HMGA2: variants seen among roughly 807,000 people sequenced by gnomAD.
The protein encoded by HMGA2 is high mobility group AT-hook 2, also known as high mobility group protein HMGI-C.
A neutral mutation model predicts 19.1 loss-of-function variants in HMGA2; 8 were observed. The observed-to-expected ratio is 0.42, with a 90% confidence interval of 0.25 to 0.76. The LOEUF is 0.76. Ranked by LOEUF, HMGA2 falls within the 30% of genes least tolerant of loss-of-function variation. The probability of loss-of-function intolerance (pLI) is 0.28; values close to 1 mark genes in which losing one functional copy is unlikely to be tolerated. For synonymous variants in HMGA2, 60 were observed against 48.8 expected (o/e 1.23, Z -0.96); for missense variants, 109 against 136.3 (o/e 0.80, Z 1.00).
chr12:65,912,172 G>A (rs1370303812), intron 3 of HMGA2, among the ~76,000 whole-genome samples: 1 of 151,890 alleles, frequency 6.6e-6, no homozygotes. Context: ...GATTCTTCAG[G>A]TAAATGATAA....
chr12:65,905,456 A>G (rs1285801188), intron 3 of HMGA2, among the ~76,000 whole-genome samples: 1 of 152,228 alleles, frequency 6.6e-6, no homozygotes, highest in Non-Finnish European at 1.5e-5. Context: ...AATTACCAAT[A>G]TTCAAATATT....
rs138660591 is a variant in HMGA2, at chr12:65,933,807, C to A, written c.250-17576C>A. Among the ~76,000 whole-genome samples, 4 of 152,188 alleles carry A rather than the reference C, an allele frequency of 2.6e-5. No homozygotes were observed. The East Asian group carries it at 7.7e-4, about 29-fold the overall frequency. ...CCCTAATCACTAAATGATTATTAACCATTTGTAAGAAGAGTTAACCTGTCC... is the reference window on the plus strand; with the variant it reads ...CCCTAATCACTAAATGATTATTAACAATTTGTAAGAAGAGTTAACCTGTCC... On this transcript the variant is annotated intron_variant, in intron 3 of 4. Coordinates refer to ENST00000403681, the MANE Select transcript of HMGA2 (RefSeq NM_003483.6).
chr12:65,840,011 G>A (rs1016817963), intron 3 of HMGA2, among the ~76,000 whole-genome samples: 2 of 152,144 alleles, frequency 1.3e-5, no homozygotes, highest in African/African-American at 4.8e-5. Context: ...ATCTGTGTTT[G>A]TATGTAACAC....
chr12:65,869,353 A>G (rs1429047268), intron 3 of HMGA2, among the ~76,000 whole-genome samples: 1 of 152,238 alleles, frequency 6.6e-6, no homozygotes, highest in African/African-American at 2.4e-5. Flanking sequence ...CCTACCCAGC[A>G]GATAGGAATT....
chr12:65,874,247 A>G (rs970466485), intron 3 of HMGA2: 1 of 150,290 alleles, frequency 6.7e-6, no homozygotes, highest in Non-Finnish European at 1.5e-5. Flanking sequence ...ATTAATAAAT[A>G]TATAATATAA....
chr12:65,832,669 G>T (rs911913951), intron 2 of HMGA2, among the ~76,000 whole-genome samples: 2 of 152,016 alleles, frequency 1.3e-5, no homozygotes, highest in African/African-American at 4.8e-5. Context: ...ATGAATCTTT[G>T]TTCTGCCAAC....
chr12:65,949,602 A>G (rs1428774263), intron 3 of HMGA2, among the ~76,000 whole-genome samples: 1 of 152,228 alleles, frequency 6.6e-6, no homozygotes, highest in Non-Finnish European at 1.5e-5. Context: ...TCCATCTTTT[A>G]TAATGCCAAA....
At chr12:65,900,501 G>A (rs1051848451) in intron 3 of HMGA2, among the ~76,000 whole-genome samples, 1 of 152,162 alleles carries the variant, frequency 6.6e-6, no homozygotes, top group Non-Finnish European at 1.5e-5. Flanking sequence ...GTAGAAACCA[G>A]ACAAGTGTCA....
intron 4 of HMGA2, chr12:65,953,170 G>T (rs1294019428): frequency 6.6e-6 from 1 of 152,108 alleles, no homozygotes; most frequent in Non-Finnish European, 1.5e-5. Flanking sequence ...ATTTGGTCTG[G>T]AGATCCATCA....
chr12:65,845,175 G>T, intron 3 of HMGA2, among the ~76,000 whole-genome samples: 1 of 152,064 alleles, frequency 6.6e-6, no homozygotes, highest in East Asian at 1.9e-4. Context: ...TTTTAACTAG[G>T]TAAACAAGTA....
intron 2 of HMGA2, chr12:65,828,457 T>C: frequency 4.3e-6 from 1 of 234,980 alleles, no homozygotes; most frequent in Non-Finnish European, 8.5e-6. Context: ...AGATTTTGCC[T>C]GGTGGTAAAG....
intron 3 of HMGA2, among the ~76,000 whole-genome samples, chr12:65,925,446 T>C (rs1875473644): frequency 6.6e-6 from 1 of 152,176 alleles, no homozygotes; most frequent in Non-Finnish European, 1.5e-5. Context: ...AGCTTAGGCG[T>C]TTAATTAGGA....
Position 65,825,336 on chromosome 12 carries a change from A to C in HMGA2, c.66A>C (p.Pro22=), listed in dbSNP as rs2120807897. Reference sequence around the variant, plus strand: ...CAGCCCAGGGACAACCTGCCGCCCCAGCGCCTCAGAAGAGAGGACGCGGCC... The same window carrying C: ...CAGCCCAGGGACAACCTGCCGCCCCCGCGCCTCAGAAGAGAGGACGCGGCC... ...STSAQGQPAA[P]APQKRGRGRP... Residue 22 remains proline, a synonymous_variant, in exon 1 of 5, where the codon CCA becomes CCC. Coordinates refer to ENST00000403681, the MANE Select transcript of HMGA2 (RefSeq NM_003483.6). This position sits in a 1 kb window ranked among gnomAD's most constrained non-coding sequence, Gnocchi z 4.4. The C allele has an allele frequency of 1.3e-6, 2 of 1,538,714 alleles. No individual in the cohort carries two copies. Among genetic ancestry groups the C allele is most frequent in the East Asian group, 5.0e-5 (2 of 40,238 alleles).
chr12:65,839,575 C>A (rs1870904527), intron 3 of HMGA2, among the ~76,000 whole-genome samples: 1 of 151,876 alleles, frequency 6.6e-6, no homozygotes, highest in Admixed American at 6.6e-5. Context: ...TATTGCCTTT[C>A]TTTTAATTTA....
chr12:65,867,049 G>A (rs977730038), intron 3 of HMGA2: 8 of 426,832 alleles, frequency 1.9e-5, no homozygotes, highest in South Asian at 1.2e-4. Flanking sequence ...AGAGAAGAAA[G>A]AGGAGAGTGT....
intron 3 of HMGA2, among the ~76,000 whole-genome samples, chr12:65,865,220 CT>C (rs1872330556): frequency 1.3e-5 from 2 of 152,138 alleles, no homozygotes; most frequent in African/African-American, 4.8e-5. Context: ...ATCAGTAAGG[CT>C]TGCAGTCAAC....
At chr12:65,843,310 C>G (rs1303685100) in intron 3 of HMGA2, 1 of 214,164 alleles carries the variant, frequency 4.7e-6, no homozygotes, top group Non-Finnish European at 9.4e-6. Flanking sequence ...CATTTCCATT[C>G]CATTGCTTTT....
intron 3 of HMGA2, among the ~76,000 whole-genome samples, chr12:65,927,144 T>C (rs1357104880): frequency 6.6e-6 from 1 of 152,206 alleles, no homozygotes. Context: ...CAAACTGAGT[T>C]CCAGCCCTGG....
intron 3 of HMGA2, among the ~76,000 whole-genome samples, chr12:65,931,357 T>C (rs778334954): frequency 6.6e-6 from 1 of 152,162 alleles, no homozygotes; most frequent in Non-Finnish European, 1.5e-5. Flanking sequence ...ATTTAAGAGA[T>C]TTAAATACCA....
Sources: allele counts gnomAD v4.1 joint callset (sites outside exome capture counted in the v4.1 genomes callset), GRCh38; gene constraint gnomAD v4.1.1; non-coding constraint Gnocchi (gnomAD v3.1); transcripts MANE v1.5; gene names NCBI Gene and HGNC (gene_info 2026-07-23, HGNC 2026-07-21).